RSF1: variants seen among roughly 807,000 people sequenced by gnomAD.
The protein encoded by RSF1 is remodeling and spacing factor 1.
Under a neutral mutation model 145.2 loss-of-function variants are expected in RSF1, and 13 were observed. The ratio of observed to expected loss-of-function variants is 0.09; its 90% CI spans 0.06 to 0.14. RSF1 has a LOEUF of 0.14. Ranked by LOEUF, RSF1 falls within the 10% of genes least tolerant of loss-of-function variation. The pLI, the probability that RSF1 is intolerant of heterozygous loss-of-function variation, is 1.00. For missense variants in RSF1, 1,517 were observed against 1,718.2 expected (o/e 0.88, Z 2.07); for synonymous variants, 577 against 592.6 (o/e 0.97, Z 0.38).
chr11:77,673,054 C>T (rs1333004331), intron 14 of RSF1, among the ~76,000 whole-genome samples: 1 of 152,220 alleles, frequency 6.6e-6, no homozygotes, highest in Non-Finnish European at 1.5e-5. Context: ...AGGTACACAG[C>T]TGCCATGACT....
rs534085140 is a variant in RSF1, at chr11:77,671,021, G to A, written c.3751+1021C>T. Among the ~76,000 whole-genome samples the A allele has an allele frequency of 2.7e-3, 374 of 140,410 alleles. 4 individuals carry two copies. Among genetic ancestry groups the A allele is most frequent in the African/African-American group, 9.5e-3 (357 of 37,764 alleles). 92.1% of individuals were successfully genotyped at this position (140,410 alleles called of 152,430 possible). On this transcript the variant is annotated intron_variant, in intron 15 of 15. Coordinates refer to ENST00000308488, the MANE Select transcript of RSF1 (RefSeq NM_016578.4). ...ATTGGGAGGCTGAGCCAGGAGAATCGTTTGAACTTGGGAGGCGGAGGTTGC... is the reference window on the plus strand; with the variant it reads ...ATTGGGAGGCTGAGCCAGGAGAATCATTTGAACTTGGGAGGCGGAGGTTGC...
At chr11:77,845,477 C>G in the RSF1 span, among the ~76,000 whole-genome samples, 1 of 151,970 alleles carries the variant, frequency 6.6e-6, no homozygotes, top group Non-Finnish European at 1.5e-5. Context: ...GTCACCACAG[C>G]TGGAGTGCCG....
intron 8 of RSF1, 127 bp downstream of exon 8, chr11:77,693,380 C>A: frequency 1.9e-6 from 1 of 538,274 alleles, no homozygotes. Flanking sequence ...AGGTAGAAAT[C>A]TAAACAGAGG....
chr11:77,793,377 C>T (rs905310485), intron 1 of RSF1, among the ~76,000 whole-genome samples: 2 of 152,074 alleles, frequency 1.3e-5, no homozygotes, highest in African/African-American at 4.8e-5. Flanking sequence ...CTCAGCTACT[C>T]AGGAGGCTAA....
At chr11:77,780,189 C>A (rs949617469) in intron 1 of RSF1, among the ~76,000 whole-genome samples, 1 of 152,146 alleles carries the variant, frequency 6.6e-6, no homozygotes, top group African/African-American at 2.4e-5. Flanking sequence ...AAGACTTGTT[C>A]AATTCAATGG....
At chr11:77,738,492 G>A (rs188757947) in intron 4 of RSF1, among the ~76,000 whole-genome samples, 87 of 152,080 alleles carry the variant, frequency 5.7e-4, no homozygotes, top group African/African-American at 1.7e-3. Context: ...TTATGTAAAG[G>A]GCTTAAGCAT....
intron 1 of RSF1, among the ~76,000 whole-genome samples, chr11:77,768,219 G>A (rs4269952): frequency 0.17 from 25,318 of 145,050 alleles, 2,717 homozygotes; most frequent in African/African-American, 0.3. Flanking sequence ...CTGGAGTGCA[G>A]TGGTGTGATC....
In RSF1 at chr11:77,667,364, G is replaced by A. The variant is rs747319656; in HGVS notation, c.3879C>T (p.Gly1293=). The A allele has an allele frequency of 1.9e-6, 3 of 1,613,936 alleles. No homozygotes were observed. The highest frequency in any genetic ancestry group is 2.5e-6 in the Non-Finnish European group (3 of 1,179,928). Residue 1293 remains glycine, a synonymous_variant, in exon 16 of 16, where the codon GGC becomes GGT. Coordinates refer to ENST00000308488, the MANE Select transcript of RSF1 (RefSeq NM_016578.4). The part of the protein sequence containing the change: ...EADEEEEEEE[G]KPSRKRLHRI... ...GGTGTAGCCGTTTGCGGGATGGTTT[G>A]CCTTCCTCTTCCTCCTCCTCCTCAT...
chr11:77,698,819 T>C (rs1235737318), intron 6 of RSF1, 126 bp from the exon 7 acceptor site: 4 of 735,494 alleles, frequency 5.4e-6, no homozygotes, highest in East Asian at 2.7e-5. Flanking sequence ...AAAATTATTA[T>C]AGTCTCATCA....
intron 1 of RSF1, among the ~76,000 whole-genome samples, chr11:77,785,278 G>A (rs1048243262): frequency 4.6e-5 from 7 of 152,156 alleles, no homozygotes; most frequent in African/African-American, 1.7e-4. Context: ...ATCATGTCCA[G>A]AGAGAATTCT....
chr11:77,674,868 A>G (rs3781618), intron 14 of RSF1, among the ~76,000 whole-genome samples, 168 bp downstream of exon 14: 112,460 of 152,066 alleles, frequency 0.74, 42,249 homozygotes, highest in African/African-American at 0.88. Context: ...GCATGGTGGC[A>G]CATGCCTGTA....
the RSF1 span, among the ~76,000 whole-genome samples, chr11:77,843,809 G>A: frequency 6.6e-6 from 1 of 152,132 alleles, no homozygotes; most frequent in Non-Finnish European, 1.5e-5. Flanking sequence ...GAGAAAAAGA[G>A]GTTTAATGGA....
At chr11:77,854,803 CTG>C in the RSF1 span, among the ~76,000 whole-genome samples, 1 of 152,218 alleles carries the variant, frequency 6.6e-6, no homozygotes, top group Non-Finnish European at 1.5e-5. Context: ...AGTGGGGACT[CTG>C]TGTAGGGGCT....
chr11:77,775,232 C>T (rs1948329862), intron 1 of RSF1, among the ~76,000 whole-genome samples: 1 of 147,656 alleles, frequency 6.8e-6, no homozygotes, highest in Admixed American at 6.8e-5. Context: ...TGGGGGACAA[C>T]AGCGAGACTC....
At chr11:77,799,302 G>C (rs1170630496) in intron 1 of RSF1, among the ~76,000 whole-genome samples, 5 of 151,978 alleles carry the variant, frequency 3.3e-5, no homozygotes, top group Admixed American at 2.0e-4. Flanking sequence ...TGGAGCCCAG[G>C]AATCTGAGAC....
Position 77,734,997 on chromosome 11 carries a change from G to A in RSF1, c.578+5734C>T, listed in dbSNP as rs537170631. 225 of 1,595,340 alleles carry A rather than the reference G, an allele frequency of 1.4e-4. 1 individual carries two copies. The African/African-American group carries it at 2.7e-3, about 19-fold the overall frequency. On this transcript the variant is annotated intron_variant, in intron 4 of 15. Transcript: ENST00000308488. Reference sequence around the variant, plus strand: ...CCTCTGAGTCCTGGTGGTAGTTCTGGCGCACCTGTGAGGTGGACGTGGTCC... The same window carrying A: ...CCTCTGAGTCCTGGTGGTAGTTCTGACGCACCTGTGAGGTGGACGTGGTCC...
rs551498085 is a variant in RSF1 at position 77,734,483 on chromosome 11, C to T, written c.578+6248G>A. ...GGGAAATTAGCCGAGGCTTAGCTTTCATTATCACTGTCTCCCAGGGTGTGC... is the reference window on the plus strand; with the variant it reads ...GGGAAATTAGCCGAGGCTTAGCTTTTATTATCACTGTCTCCCAGGGTGTGC... On this transcript the variant is annotated intron_variant, in intron 4 of 15. Coordinates refer to ENST00000308488, the MANE Select transcript of RSF1 (RefSeq NM_016578.4). 32 of 1,588,308 alleles carry T rather than the reference C, an allele frequency of 2.0e-5. No individual in the cohort carries two copies. The Admixed American group carries it at 4.5e-4, about 22-fold the overall frequency.
At chr11:77,669,410 C>T (rs1393548234) in intron 15 of RSF1, among the ~76,000 whole-genome samples, 1 of 152,220 alleles carries the variant, frequency 6.6e-6, no homozygotes, top group African/African-American at 2.4e-5. Flanking sequence ...TCTTCCTCCT[C>T]ATCTGCTTCT....
At chr11:77,689,079 T>A (rs1197873453) in intron 9 of RSF1, among the ~76,000 whole-genome samples, 1 of 152,192 alleles carries the variant, frequency 6.6e-6, no homozygotes, top group East Asian at 1.9e-4. Context: ...AATCAGGAGA[T>A]AATGCTTAGA....
Sources: allele counts gnomAD v4.1 joint callset (sites outside exome capture counted in the v4.1 genomes callset), GRCh38; gene constraint gnomAD v4.1.1; transcripts MANE v1.5; gene names NCBI Gene and HGNC (gene_info 2026-07-23, HGNC 2026-07-21).